RGPD1: variants seen among roughly 807,000 people sequenced by gnomAD.
RGPD1 encodes the protein RANBP2-like and GRIP domain-containing protein 1.
A neutral mutation model predicts 40.6 loss-of-function variants in RGPD1; 7 were observed. The ratio of observed to expected loss-of-function variants is 0.17; its 90% CI spans 0.10 to 0.32. The LOEUF is 0.32. Ranked by LOEUF, RGPD1 falls within the 10% of genes least tolerant of loss-of-function variation. The pLI is 1.00. For missense variants in RGPD1, 50 were observed against 472.5 expected (o/e 0.11, Z 8.29); for synonymous variants, 24 against 167.0 (o/e 0.14, Z 6.60).
At chr2:86,931,968 T>TTTATATATAATATTCATATTATATATAC (rs1361255895) in intron 1 of RGPD1, among the ~76,000 whole-genome samples, 42 of 145,030 alleles carry the variant, frequency 2.9e-4, no homozygotes, top group Non-Finnish European at 3.9e-4. Flanking sequence ...TATATATATA[T>TTTATATATAATATTCATATTATATATAC]TTATATATAA....
chr2:86,944,871 C>G (rs979993434), intron 1 of RGPD1, among the ~76,000 whole-genome samples: 1 of 151,662 alleles, frequency 6.6e-6, no homozygotes. Context: ...TACAGGCATG[C>G]GCCACCATGC....
At chr2:86,944,619 C>T (rs1364033515) in intron 1 of RGPD1, among the ~76,000 whole-genome samples, 2 of 152,244 alleles carry the variant, frequency 1.3e-5, no homozygotes, top group South Asian at 4.1e-4. Context: ...CACCATGTTG[C>T]CCAGGCTGTT....
At position 86,942,657 on chromosome 2, in the gene RGPD1, G is replaced by GGGC. The variant is rs1177385573; in HGVS notation, c.72+362_72+364dup. 3.2e-3 allele frequency among the ~76,000 whole-genome samples: 416 copies of GGGC among 131,248 alleles called. 3 individuals carry two copies. Among genetic ancestry groups the GGGC allele is most frequent in the African/African-American group, 0.011 (392 of 35,158 alleles). The allele number at this position is 131,248 out of a possible 152,430, so 86.1% of individuals were successfully genotyped here. A position where few individuals can be genotyped will look rare whatever the true frequency, so the allele number is the denominator to read the frequency against. ...TTGAGGCGCCGGCCTCGACCTGGCC[G>GGGC]GGCGGCGGCGGCGGCCTCGACCTGG... is the stretch of plus-strand genomic sequence containing the variant. On this transcript the variant is annotated intron_variant, in intron 1 of 22. Transcript: ENST00000641458.
chr2:86,947,718 G>T (rs200721257), intron 1 of RGPD1, among the ~76,000 whole-genome samples: 2,040 of 140,184 alleles, frequency 0.015, 98 homozygotes, highest in East Asian at 0.15. Context: ...TTACCCTTAT[G>T]TTCCAGGGGA....
upstream of RGPD1, among the ~76,000 whole-genome samples, chr2:86,941,717 CTTTGT>C (rs746951418): frequency 4.0e-5 from 6 of 149,122 alleles, no homozygotes; most frequent in Non-Finnish European, 5.9e-5. Context: ...TGAGAATGCG[CTTTGT>C]TTTTTTTTTT....
At position 86,927,118 on chromosome 2, in the gene RGPD1, T is replaced by TA. The variant is rs540127151; in HGVS notation, c.72+13204dup. Among the ~76,000 whole-genome samples, 3 of 152,108 alleles carry TA rather than the reference T, an allele frequency of 2.0e-5. No individual in the cohort carries two copies. In the South Asian group the frequency reaches 6.2e-4, roughly 32 times the overall value. The stretch of plus-strand genomic sequence containing the variant: ...CCTTCCCACTTAAATCAGTTTTAAT[T>TA]AAAAAAATTGCAGATGCCTTTTCTC... On this transcript the variant is annotated intron_variant, in intron 1 of 22. Transcript: ENST00000398193.
chr2:86,931,284 T>C (rs1185311397), intron 1 of RGPD1, among the ~76,000 whole-genome samples: 2 of 151,874 alleles, frequency 1.3e-5, no homozygotes, highest in Admixed American at 6.6e-5. Flanking sequence ...CTCACCCCCA[T>C]ATTTCTGGTA....
chr2:86,914,201 CCT>C (rs1677617842), intron 1 of RGPD1, among the ~76,000 whole-genome samples: 3 of 52,690 alleles, frequency 5.7e-5, no homozygotes, highest in African/African-American at 6.2e-5. Context: ...GCGGCCTCGG[CCT>C]GGCCGGGCGG....
upstream of RGPD1, chr2:86,913,782 T>G: frequency 6.9e-7 from 1 of 1,442,480 alleles, no homozygotes; most frequent in Non-Finnish European, 9.3e-7. Flanking sequence ...GCTTTCCTGT[T>G]GGAATTGGCG....
chr2:86,928,473 C>T (rs930037180), intron 1 of RGPD1, among the ~76,000 whole-genome samples: 1 of 151,996 alleles, frequency 6.6e-6, no homozygotes, highest in African/African-American at 2.4e-5. Context: ...ACAGGATCCT[C>T]TATGGTATAT....
Position 86,918,551 on chromosome 2 carries a change from C to T in RGPD1, c.72+4630C>T, listed in dbSNP as rs1432282967. Reference sequence around the variant, plus strand: ...CTCAGCTCACTACAGGCTCTGCCTCCTGGGTTCATGCCATTTTCCTGCCTC... The same window carrying T: ...CTCAGCTCACTACAGGCTCTGCCTCTTGGGTTCATGCCATTTTCCTGCCTC... On this transcript the variant is annotated intron_variant, in intron 1 of 22. Coordinates refer to the RGPD1 transcript ENST00000398193. Among the ~76,000 whole-genome samples, 2 of 143,948 alleles carry T rather than the reference C, an allele frequency of 1.4e-5. 1 individual carries two copies. The highest frequency in any genetic ancestry group is 4.0e-4 in the East Asian group (2 of 5,012). The allele number at this position is 143,948 out of a possible 152,430, so 94.4% of individuals were successfully genotyped here. A position where few individuals can be genotyped will look rare whatever the true frequency, so the allele number is the denominator to read the frequency against.
At chr2:86,925,222 A>G (rs1430339244) in intron 1 of RGPD1, among the ~76,000 whole-genome samples, 1 of 139,256 alleles carries the variant, frequency 7.2e-6, no homozygotes, top group South Asian at 2.5e-4. Context: ...GTCTTTGATG[A>G]GCAGAATTTT....
At chr2:86,945,347 GTTAGGT>G (rs961756985) in intron 1 of RGPD1, among the ~76,000 whole-genome samples, 2 of 152,050 alleles carry the variant, frequency 1.3e-5, no homozygotes, top group Non-Finnish European at 2.9e-5. Context: ...ATTCTGTAAA[GTTAGGT>G]TTGAGTGAAA....
chr2:86,938,534 G>A (rs183017004), upstream of RGPD1, among the ~76,000 whole-genome samples: 8 of 148,996 alleles, frequency 5.4e-5, no homozygotes, highest in Admixed American at 2.0e-4. Context: ...CATGGGCAAC[G>A]CCTAGACTCA....
chr2:86,943,967 T>A (rs1484704336), intron 1 of RGPD1, among the ~76,000 whole-genome samples: 2 of 150,584 alleles, frequency 1.3e-5, no homozygotes, highest in Admixed American at 6.6e-5. Context: ...TGAGCCGAGG[T>A]CGCGCTACTG....
At chr2:86,942,428 C>A in intron 1 of RGPD1, 120 bp downstream of exon 1, 2 of 1,063,876 alleles carry the variant, frequency 1.9e-6, no homozygotes, top group Non-Finnish European at 2.4e-6. Context: ...GTCATGGCTC[C>A]CGACGGGCGC....
At chr2:86,941,688 C>G (rs1413468725), upstream of RGPD1, among the ~76,000 whole-genome samples, 2 of 150,738 alleles carry the variant, frequency 1.3e-5, no homozygotes, top group East Asian at 3.9e-4. Context: ...GTTCCACCCG[C>G]AGGACTGACT....
chr2:86,947,562 A>C (rs554241563), intron 1 of RGPD1, among the ~76,000 whole-genome samples: 1 of 104,174 alleles, frequency 9.6e-6, no homozygotes, highest in East Asian at 3.3e-4. Context: ...TGGGAAACTC[A>C]TTTCTTTCAG....
upstream of RGPD1, among the ~76,000 whole-genome samples, chr2:86,941,427 G>T (rs1331865142): frequency 3.3e-4 from 49 of 148,490 alleles, no homozygotes; most frequent in African/African-American, 1.2e-3. Context: ...TCACTCTGGT[G>T]CCCAGGATGG....
Sources: allele counts gnomAD v4.1 joint callset (sites outside exome capture counted in the v4.1 genomes callset), GRCh38; gene constraint gnomAD v4.1.1; transcripts MANE v1.5; gene names NCBI Gene and HGNC (gene_info 2026-07-23, HGNC 2026-07-21).